Variants in SH3BGRL2 observed in about 807,000 individuals in gnomAD.
SH3BGRL2 encodes SH3 domain-binding glutamic acid-rich-like protein 2.
Under a neutral mutation model 14.8 loss-of-function variants are expected in SH3BGRL2, and 21 were observed. The observed-to-expected ratio is 1.42, with a 90% CI of 1.01 to 2.05. SH3BGRL2 has a LOEUF of 2.05. SH3BGRL2 is among the 30% of genes most tolerant of loss of function. The pLI, the probability that SH3BGRL2 is intolerant of heterozygous loss-of-function variation, is 0.00. For missense variants in SH3BGRL2, 147 were observed against 130.8 expected, an observed-to-expected ratio of 1.12 and a Z score of -0.61; for synonymous variants, 50 against 47.8, an observed-to-expected ratio of 1.05 and a Z score of -0.19.
At chr6:79,624,803 G>A in the SH3BGRL2 span, among the ~76,000 whole-genome samples, 2 of 151,504 alleles carry the variant, frequency 1.3e-5, no homozygotes, top group Non-Finnish European at 2.9e-5. Flanking sequence ...AGTGTTTTCT[G>A]TTTTTTGGGT....
intron 1 of SH3BGRL2, among the ~76,000 whole-genome samples, chr6:79,638,585 C>T (rs1582712971): frequency 6.6e-6 from 1 of 152,158 alleles, no homozygotes; most frequent in Admixed American, 6.5e-5. Context: ...ATGAGGTCCT[C>T]TTTCTCTGCA....
At chr6:79,690,000 C>A (rs1770177205) in intron 2 of SH3BGRL2, among the ~76,000 whole-genome samples, 1 of 151,480 alleles carries the variant, frequency 6.6e-6, no homozygotes, top group African/African-American at 2.4e-5. Context: ...TTTGTTTTGA[C>A]ATAGGCCCTC....
At chr6:79,600,955 A>G in the SH3BGRL2 span, among the ~76,000 whole-genome samples, 1 of 152,244 alleles carries the variant, frequency 6.6e-6, no homozygotes, top group African/African-American at 2.4e-5. Flanking sequence ...TTTTCTAGCC[A>G]TGATACTTAA....
intron 1 of SH3BGRL2, among the ~76,000 whole-genome samples, chr6:79,640,365 T>C (rs1769007061): frequency 6.6e-6 from 1 of 152,188 alleles, no homozygotes; most frequent in African/African-American, 2.4e-5. Flanking sequence ...AAAACAGAAA[T>C]AAAGCTTGGA....
the SH3BGRL2 span, among the ~76,000 whole-genome samples, chr6:79,549,226 A>G: frequency 6.6e-6 from 1 of 152,230 alleles, no homozygotes; most frequent in Non-Finnish European, 1.5e-5. Context: ...AATACAAACT[A>G]AATAAAATCA....
the SH3BGRL2 span, among the ~76,000 whole-genome samples, chr6:79,607,623 G>A: frequency 6.6e-6 from 1 of 152,060 alleles, no homozygotes; most frequent in African/African-American, 2.4e-5. Context: ...TTCTCGTGTT[G>A]CTATAACTAC....
At chr6:79,616,993 G>A in the SH3BGRL2 span, among the ~76,000 whole-genome samples, 1 of 152,088 alleles carries the variant, frequency 6.6e-6, no homozygotes, top group Non-Finnish European at 1.5e-5. Flanking sequence ...TTTGAGACCA[G>A]CCACCAGCAT....
the SH3BGRL2 span, among the ~76,000 whole-genome samples, chr6:79,541,116 G>C: frequency 5.3e-5 from 8 of 151,966 alleles, no homozygotes; most frequent in South Asian, 4.2e-4. Context: ...AGCCAGACGT[G>C]GTGGTGTGTG....
At chr6:79,679,898 T>C (rs1376657303) in intron 2 of SH3BGRL2, among the ~76,000 whole-genome samples, 1 of 152,206 alleles carries the variant, frequency 6.6e-6, no homozygotes. Context: ...ACGTATCTAT[T>C]CAGGTTCTTT....
chr6:79,605,313 CAG>C, the SH3BGRL2 span, among the ~76,000 whole-genome samples: 1 of 152,138 alleles, frequency 6.6e-6, no homozygotes, highest in Non-Finnish European at 1.5e-5. Flanking sequence ...TGAATGATGT[CAG>C]AAGAGATCAC....
chr6:79,540,146 T>C, the SH3BGRL2 span, among the ~76,000 whole-genome samples: 1 of 152,038 alleles, frequency 6.6e-6, no homozygotes, highest in Non-Finnish European at 1.5e-5. Flanking sequence ...TAAAGAACAG[T>C]ATAATTGGCC....
At chr6:79,684,664 T>C (rs1770057633) in intron 2 of SH3BGRL2, among the ~76,000 whole-genome samples, 1 of 152,196 alleles carries the variant, frequency 6.6e-6, no homozygotes, top group African/African-American at 2.4e-5. Context: ...TCCCATTTTA[T>C]TAATAAAGTT....
the SH3BGRL2 span, among the ~76,000 whole-genome samples, chr6:79,562,048 G>A: frequency 3.5e-4 from 54 of 152,226 alleles, no homozygotes; most frequent in Non-Finnish European, 6.2e-4. Context: ...ATTACTTCCC[G>A]CAGTTGCTTT....
At chr6:79,547,261 A>G in the SH3BGRL2 span, among the ~76,000 whole-genome samples, 13,560 of 152,006 alleles carry the variant, frequency 0.089, 1,390 homozygotes, top group East Asian at 0.54. Context: ...CATGAGTTAG[A>G]GGAGAAGCAG....
the SH3BGRL2 span, among the ~76,000 whole-genome samples, chr6:79,557,260 A>C: frequency 1.8e-4 from 27 of 151,736 alleles, no homozygotes; most frequent in Non-Finnish European, 3.7e-4. Context: ...ATATTTTTAT[A>C]ATTTTTATAG....
At chr6:79,628,477 A>G (rs985191117), upstream of SH3BGRL2, among the ~76,000 whole-genome samples, 7 of 151,860 alleles carry the variant, frequency 4.6e-5, no homozygotes, top group Non-Finnish European at 1.0e-4. Context: ...GACCTGCTCA[A>G]TTTTCTTAGT....
chr6:79,695,937 G>C (rs957127440), intron 2 of SH3BGRL2, among the ~76,000 whole-genome samples: 2 of 152,214 alleles, frequency 1.3e-5, no homozygotes, highest in East Asian at 1.9e-4. Flanking sequence ...AAATATTATA[G>C]AGAATATAGT....
upstream of SH3BGRL2, among the ~76,000 whole-genome samples, chr6:79,628,135 G>A (rs189100563): frequency 4.8e-3 from 736 of 152,112 alleles, 2 homozygotes; most frequent in Non-Finnish European, 7.3e-3. Flanking sequence ...CATGACGGCC[G>A]TTTGATCCAC....
the SH3BGRL2 span, among the ~76,000 whole-genome samples, chr6:79,564,497 C>T: frequency 1.3e-5 from 2 of 152,144 alleles, no homozygotes; most frequent in Non-Finnish European, 2.9e-5. Flanking sequence ...GAAATTTGCC[C>T]AGTTACACAG....
Sources: allele counts gnomAD v4.1 joint callset (sites outside exome capture counted in the v4.1 genomes callset), GRCh38; gene constraint gnomAD v4.1.1; transcripts MANE v1.5; gene names NCBI Gene and HGNC (gene_info 2026-07-23, HGNC 2026-07-21).